Variants in PDE8B observed in about 807,000 individuals in gnomAD.
PDE8B encodes the protein phosphodiesterase 8B.
PDE8B carries 26 observed loss-of-function variants against 101.3 expected under a neutral mutation model. The ratio of observed to expected loss-of-function variants is 0.26; its 90% CI spans 0.19 to 0.36. The LOEUF (loss-of-function observed/expected upper bound fraction) is 0.36. PDE8B is among the 10% of genes least tolerant of loss of function. The pLI, the probability that PDE8B is intolerant of heterozygous loss-of-function variation, is 1.00. For synonymous variants in PDE8B, 424 were observed against 429.3 expected (o/e 0.99, Z 0.15); for missense variants, 810 against 1,163.1 (o/e 0.70, Z 4.42).
chr5:77,310,896 C>T (rs777490916), intron 1 of PDE8B, among the ~76,000 whole-genome samples: 1 of 152,044 alleles, frequency 6.6e-6, no homozygotes, highest in Non-Finnish European at 1.5e-5. Context: ...AAGAGTTAAG[C>T]TTGGGGAAAG....
chr5:77,211,380 T>C lies in PDE8B; in HGVS notation c.339+116T>C. 1 of 932,512 alleles carries C rather than the reference T, an allele frequency of 1.1e-6. No homozygotes were observed. The highest frequency in any genetic ancestry group is 3.0e-5 in the East Asian group (1 of 33,800). 57.8% of individuals were successfully genotyped at this position (932,512 alleles called of 1,614,324 possible). The stretch of plus-strand genomic sequence containing the variant: ...CCGTGAGGCGGTTGGTTTGGAGAGG[T>C]TGTCACTAAGGAGGAGTTTACTTTT... On this transcript the variant is annotated intron_variant, in intron 1 of 21. Coordinates refer to ENST00000264917, the MANE Select transcript of PDE8B (RefSeq NM_003719.5). This position sits in a 1 kb window ranked among gnomAD's most constrained non-coding sequence, Gnocchi z 4.1.
intron 10 of PDE8B, among the ~76,000 whole-genome samples, chr5:77,375,323 G>A (rs923623992): frequency 1.4e-4 from 22 of 152,164 alleles, no homozygotes; most frequent in African/African-American, 4.1e-4. Flanking sequence ...AAGATGAATC[G>A]CCCCAGGCAG....
the PDE8B span, among the ~76,000 whole-genome samples, chr5:77,150,279 T>C: frequency 2.6e-5 from 4 of 152,262 alleles, no homozygotes; most frequent in Non-Finnish European, 5.9e-5. Context: ...CAGGATTTCA[T>C]GGATTAATGC....
At chr5:77,412,055 G>A in intron 15 of PDE8B, 45 bp from the exon 16 acceptor site, 1 of 1,610,896 alleles carries the variant, frequency 6.2e-7, no homozygotes, top group Non-Finnish European at 8.5e-7. Flanking sequence ...GGGCACTCAA[G>A]ATTCCACAAT....
chr5:77,356,630 A>G (rs1292047747), intron 10 of PDE8B, among the ~76,000 whole-genome samples: 1 of 152,064 alleles, frequency 6.6e-6, no homozygotes, highest in Non-Finnish European at 1.5e-5. Flanking sequence ...GGGTTTCACC[A>G]TGTTGGCCAG....
chr5:77,390,708 C>T (rs925373431), intron 10 of PDE8B, among the ~76,000 whole-genome samples: 8 of 152,172 alleles, frequency 5.3e-5, no homozygotes, highest in East Asian at 1.9e-4. Flanking sequence ...AGAGATGTCC[C>T]GCACTAATGC....
chr5:77,182,293 G>C, the PDE8B span, among the ~76,000 whole-genome samples: 2 of 151,726 alleles, frequency 1.3e-5, no homozygotes, highest in East Asian at 3.9e-4. Flanking sequence ...TAGATCAGTG[G>C]GTGAATTGAA....
intron 1 of PDE8B, among the ~76,000 whole-genome samples, chr5:77,266,677 G>T (rs1237157435): frequency 6.6e-6 from 1 of 152,126 alleles, no homozygotes. Context: ...ATCTAACCCT[G>T]TATTTCTCCT....
intron 1 of PDE8B, among the ~76,000 whole-genome samples, chr5:77,261,845 G>A: frequency 6.6e-6 from 1 of 152,162 alleles, no homozygotes; most frequent in East Asian, 1.9e-4. Flanking sequence ...AGCAGCAAAG[G>A]GATTTTCCAT....
chr5:77,180,353 A>AG, the PDE8B span: 1 of 707,996 alleles, frequency 1.4e-6, no homozygotes, highest in Non-Finnish European at 1.7e-6. Flanking sequence ...AGGCCCGGGG[A>AG]GTGGGGTGCA....
At chr5:77,237,192 T>A (rs1580486365) in intron 1 of PDE8B, among the ~76,000 whole-genome samples, 2 of 152,194 alleles carry the variant, frequency 1.3e-5, no homozygotes, top group East Asian at 3.8e-4. Context: ...AGTTGGGTCA[T>A]GTGTTTTTAA....
chr5:77,308,394 C>T (rs1259158700), intron 1 of PDE8B, among the ~76,000 whole-genome samples: 2 of 152,200 alleles, frequency 1.3e-5, no homozygotes, highest in South Asian at 4.1e-4. Flanking sequence ...TGAAGTGAGG[C>T]TGGGAGGAGA....
the PDE8B span, among the ~76,000 whole-genome samples, chr5:77,133,089 C>T: frequency 6.6e-6 from 1 of 152,192 alleles, no homozygotes; most frequent in Non-Finnish European, 1.5e-5. Context: ...GATTATTATT[C>T]AAAATATTCA....
At chr5:77,225,023 A>T (rs140001001) in intron 1 of PDE8B, among the ~76,000 whole-genome samples, 1 of 152,296 alleles carries the variant, frequency 6.6e-6, no homozygotes, top group Non-Finnish European at 1.5e-5. Context: ...CAGGAGGCAC[A>T]TGATGTCTGG....
chr5:77,157,170 C>T, the PDE8B span, among the ~76,000 whole-genome samples: 492 of 152,236 alleles, frequency 3.2e-3, 2 homozygotes, highest in African/African-American at 0.011. Flanking sequence ...TGTTTTCATC[C>T]TCTGGAAAAT....
At chr5:77,242,151 A>G (rs1393883149) in intron 1 of PDE8B, among the ~76,000 whole-genome samples, 1 of 152,234 alleles carries the variant, frequency 6.6e-6, no homozygotes, top group Non-Finnish European at 1.5e-5. Flanking sequence ...AAAAGTAAAT[A>G]GTAACAGGTA....
At chr5:77,390,686 A>C (rs980989191) in intron 10 of PDE8B, among the ~76,000 whole-genome samples, 5 of 152,176 alleles carry the variant, frequency 3.3e-5, no homozygotes, top group African/African-American at 7.2e-5. Context: ...TTCAAGGAAA[A>C]CTGTGTTTCA....
At chr5:77,231,335 T>A (rs906096296) in intron 1 of PDE8B, among the ~76,000 whole-genome samples, 1 of 152,200 alleles carries the variant, frequency 6.6e-6, no homozygotes, top group Non-Finnish European at 1.5e-5. Flanking sequence ...CCCTTTCTAC[T>A]TTTCAGTTCT....
chr5:77,195,494 G>T, the PDE8B span, among the ~76,000 whole-genome samples: 1 of 151,932 alleles, frequency 6.6e-6, no homozygotes, highest in East Asian at 1.9e-4. Flanking sequence ...AGATTTGAAG[G>T]GACATTTCAC....
Sources: gnomAD v4.1 joint callset for allele counts (sites outside exome capture counted in the v4.1 genomes callset) on GRCh38, gnomAD v4.1.1 for gene constraint, Gnocchi (gnomAD v3.1) non-coding constraint, MANE v1.5 for transcripts, NCBI Gene and HGNC (gene_info 2026-07-23, HGNC 2026-07-21) for gene names.